Variants in DEDD2 observed in about 807,000 individuals in gnomAD.
The protein encoded by DEDD2 is death effector domain containing 2.
DEDD2 carries 18 observed loss-of-function variants against 28.9 expected under a neutral mutation model. That is an observed-to-expected ratio of 0.62 (90% CI 0.43 to 0.92). The LOEUF is 0.92. DEDD2 is among the 40% of genes least tolerant of loss of function. DEDD2 has a pLI of 0.00. For synonymous variants in DEDD2, 211 were observed against 206.1 expected (o/e 1.02, Z -0.20); for missense variants, 411 against 463.3 (o/e 0.89, Z 1.04).
At chr19:42,219,401 G>A (rs1305079801), upstream of DEDD2, among the ~76,000 whole-genome samples, 1 of 151,984 alleles carries the variant, frequency 6.6e-6, no homozygotes, top group Non-Finnish European at 1.5e-5. Flanking sequence ...AGGAGTTCGA[G>A]AGCAGCCTGA....
chr19:42,216,734 C>G lies in DEDD2; in HGVS notation c.274G>C (p.Val92Leu), dbSNP rs780674165. ...GGCAGCAGGTCGTGGCGGGCCAGCA[C>G]GCGCAGGAGTTGCCCCAGCAGCCGC... is the stretch of plus-strand genomic sequence containing the variant. ...NLRLLGQLLR[V>L]LARHDLLPHL... Residue 92 changes from valine (V) to leucine (L), a missense_variant, in exon 2 of 5, where the codon GTG (valine) becomes CTG (leucine). This residue lies in a region of DEDD2 where 282 missense variants were observed against 273.4 expected (regional missense o/e 1.03). Transcript: ENST00000596251. 4 of 1,591,238 alleles carry G rather than the reference C, an allele frequency of 2.5e-6. No individual in the cohort carries two copies. Among genetic ancestry groups the G allele is most frequent in the South Asian group, 2.2e-5 (2 of 89,086 alleles).
chr19:42,214,991 G>A, intron 3 of DEDD2, 142 bp downstream of exon 3: 1 of 1,260,384 alleles, frequency 7.9e-7, no homozygotes. Context: ...CAGAGTATCT[G>A]TAGCAATAAA....
At chr19:42,207,927 C>T (rs1029638009) in intron 4 of DEDD2, among the ~76,000 whole-genome samples, 1 of 152,058 alleles carries the variant, frequency 6.6e-6, no homozygotes, top group African/African-American at 2.4e-5. Flanking sequence ...CCAGAATCAC[C>T]CTTCCCAGCT....
chr19:42,200,544 G>C (rs749959293), intron 4 of DEDD2, among the ~76,000 whole-genome samples: 1 of 152,214 alleles, frequency 6.6e-6, no homozygotes, highest in African/African-American at 2.4e-5. Context: ...GACCAGGCCC[G>C]GGAGGCTTGC....
At chr19:42,215,748 C>T (rs143013643) in intron 2 of DEDD2, among the ~76,000 whole-genome samples, 2 of 152,300 alleles carry the variant, frequency 1.3e-5, no homozygotes, top group African/African-American at 2.4e-5. Context: ...GCCACTGCCC[C>T]TTTAGTAACC....
intron 4 of DEDD2, among the ~76,000 whole-genome samples, chr19:42,202,888 C>T (rs182698119): frequency 6.6e-6 from 1 of 152,338 alleles, no homozygotes; most frequent in East Asian, 1.9e-4. Flanking sequence ...TTCTCTGAGC[C>T]TCTGCTCCAC....
chr19:42,202,158 G>A (rs16975684), intron 4 of DEDD2: 35,849 of 398,478 alleles, frequency 0.09, 1,918 homozygotes, highest in Middle Eastern at 0.18. Flanking sequence ...CTTGCTTACA[G>A]CCCTACGACA....
rs775701844 is a variant in DEDD2, at chr19:42,214,836, AAAT to A, written c.448+294_448+296del. Among the ~76,000 whole-genome samples the A allele has an allele frequency of 5.6e-4, 85 of 152,324 alleles. 1 individual carries two copies. The highest frequency in any genetic ancestry group is 9.1e-4 in the Non-Finnish European group (62 of 68,028). On this transcript the variant is annotated intron_variant, in intron 3 of 4. Coordinates refer to ENST00000596251, the MANE Select transcript of DEDD2 (RefSeq NM_133328.4). ...TAAGTTAATTGGGGCATGGCAATTA[AAAT>A]AATACAATTAGAGATACTCAGCATG...
chr19:42,204,396 T>C (rs2035446759), intron 4 of DEDD2: 1 of 152,006 alleles, frequency 6.6e-6, no homozygotes, highest in African/African-American at 2.4e-5. Context: ...GAGTGAGTTC[T>C]TGCTCTGGTA....
intron 4 of DEDD2, among the ~76,000 whole-genome samples, chr19:42,204,828 G>A (rs1019708120): frequency 6.6e-6 from 1 of 150,608 alleles, no homozygotes; most frequent in Admixed American, 6.7e-5. Flanking sequence ...CAGCATCTTG[G>A]CTTGCCTCCC....
chr19:42,209,722 G>A lies in DEDD2; in HGVS notation c.567C>T (p.Ser189=). The A allele has an allele frequency of 6.2e-7, 1 of 1,608,134 alleles. No homozygotes were observed. Among genetic ancestry groups the A allele is most frequent in the Non-Finnish European group, 8.5e-7 (1 of 1,177,414 alleles). Residue 189 remains serine (S), a synonymous_variant, in exon 4 of 5, where the codon TCC becomes TCT. Transcript: ENST00000596251. ...TACCACAGGTCACTTTGCCTTCAGA[G>A]GAAGGTCTGGCGGGCTCTGACTGCT... ...PQQQSEPARP[S]SEGKVTCDIR...
At chr19:42,205,251 T>C (rs1599760456) in intron 4 of DEDD2, among the ~76,000 whole-genome samples, 1 of 152,212 alleles carries the variant, frequency 6.6e-6, no homozygotes. Context: ...TCAGAGAACC[T>C]ACATTTATAA....
chr19:42,210,583 T>C (rs966104731), intron 3 of DEDD2, among the ~76,000 whole-genome samples: 3 of 151,694 alleles, frequency 2.0e-5, no homozygotes, highest in African/African-American at 7.3e-5. Context: ...TAAGTAGAGA[T>C]GGGTTTCACC....
Position 42,199,463 on chromosome 19 carries a change from C to T in DEDD2, c.956G>A (p.Gly319Glu), listed in dbSNP as rs767766303. The T allele has an allele frequency of 3.1e-6, 5 of 1,609,554 alleles. No individual in the cohort carries two copies. Among genetic ancestry groups the T allele is most frequent in the Middle Eastern group, 1.7e-4 (1 of 6,032 alleles). ...TCAGGAGGCCTCTGTCGGGCGCCGC[C>T]CCCCTTCCTCCTCCATCAGCAACAG... ...RRLLLMEEEG[G>E]RRPTEAS The change falls in exon 5 of 5, where the codon GGG becomes GAG. Residue 319 changes from glycine to glutamate, a missense_variant. This residue lies in a region of DEDD2 where 129 missense variants were observed against 189.9 expected (regional missense o/e 0.68). Coordinates refer to ENST00000596251, the MANE Select transcript of DEDD2 (RefSeq NM_133328.4). The surrounding 1 kb of genome is among the most constrained non-coding windows in gnomAD (Gnocchi z 7.4).
Position 42,199,227 on chromosome 19 carries a change from G to C in DEDD2, c.*211C>G. 6.8e-6 allele frequency: 5 copies of C among 735,654 alleles called. No individual in the cohort carries two copies. The South Asian group carries it at 1.0e-4, about 15-fold the overall frequency. 45.6% of individuals were successfully genotyped at this position (735,654 alleles called of 1,614,324 possible). On this transcript the variant is annotated 3_prime_UTR_variant, in exon 5 of 5. Transcript: ENST00000596251. This position sits in a 1 kb window ranked among gnomAD's most constrained non-coding sequence, Gnocchi z 7.4. Reference sequence around the variant, plus strand: ...GGCTAAGGGGGCACACCTGGGGGTAGGAGGAGTCTGGGAAGGAAACTCAGC... The same window carrying C: ...GGCTAAGGGGGCACACCTGGGGGTACGAGGAGTCTGGGAAGGAAACTCAGC...
At position 42,215,180 on chromosome 19, in the gene DEDD2, C is replaced by T. The variant is rs1027326776; in HGVS notation, c.401G>A (p.Arg134Gln). 5 of 1,613,960 alleles carry T rather than the reference C, an allele frequency of 3.1e-6. No homozygotes were observed. Among genetic ancestry groups the T allele is most frequent in the African/African-American group, 1.3e-5 (1 of 74,872 alleles). The change falls in exon 3 of 5, where the codon CGG (arginine) becomes CAG (glutamine). Residue 134 changes from arginine to glutamine, a missense_variant. By Grantham distance (43) the Arg-to-Gln change is conservative. Around this residue, in one of 2 missense-constraint regions of DEDD2, gnomAD observed 282 missense variants for 273.4 expected, o/e 1.03. Transcript: ENST00000596251. ...AGAATTTGCAGAACTGCTTGACTGCCGACGGCGACGGCAGCTACCCTCTGT... is the reference window on the plus strand; with the variant it reads ...AGAATTTGCAGAACTGCTTGACTGCTGACGGCGACGGCAGCTACCCTCTGT... ...KRTEGSCRRR[R>Q]QSSSSANSQQ...
At chr19:42,200,061 T>A (rs1276802162) in intron 4 of DEDD2, among the ~76,000 whole-genome samples, 2 of 152,100 alleles carry the variant, frequency 1.3e-5, no homozygotes, top group African/African-American at 4.8e-5. Context: ...CCAGGGGTGC[T>A]CTTTCCCTGG....
intron 4 of DEDD2, among the ~76,000 whole-genome samples, chr19:42,209,178 T>C (rs1201019526): frequency 2.0e-5 from 3 of 151,710 alleles, no homozygotes; most frequent in East Asian, 1.9e-4. Flanking sequence ...GAGGCGGAGG[T>C]TGCAGTAAGC....
chr19:42,211,838 G>C (rs1409652111), intron 3 of DEDD2: 1 of 152,030 alleles, frequency 6.6e-6, no homozygotes, highest in East Asian at 1.9e-4. Context: ...GGGAGTTCGA[G>C]ACCAGCCTGA....
Sources: gnomAD v4.1 joint callset for allele counts (sites outside exome capture counted in the v4.1 genomes callset) on GRCh38, gnomAD v4.1.1 for gene constraint, gnomAD v4.1.1 regional missense constraint, Gnocchi (gnomAD v3.1) non-coding constraint, MANE v1.5 for transcripts, NCBI Gene and HGNC (gene_info 2026-07-23, HGNC 2026-07-21) for gene names.